Variants in C13orf42 observed in about 807,000 individuals in gnomAD.
C13orf42 encodes the protein uncharacterized protein C13orf42.
At chr13:51,172,335 C>G (rs536916441) in exon 1 of C13orf42, 170 of 152,170 alleles carry the variant, frequency 1.1e-3, no homozygotes, top group African/African-American at 4.0e-3. Context: ...GGCTTAGCGG[C>G]TGAAGACTGA....
intron 1 of C13orf42, among the ~76,000 whole-genome samples, chr13:51,101,826 G>A (rs1953296030): frequency 6.6e-6 from 1 of 152,214 alleles, no homozygotes; most frequent in Non-Finnish European, 1.5e-5. Context: ...TTGTGGATGT[G>A]AGAAAAGGCT....
At position 51,082,535 on chromosome 13, in the gene C13orf42, C is replaced by T. The variant is rs1045335665; in HGVS notation, c.*1616G>A. 3 of 152,118 alleles carry T rather than the reference C, an allele frequency of 2.0e-5. No individual in the cohort carries two copies. Among genetic ancestry groups the T allele is most frequent in the Non-Finnish European group, 2.9e-5 (2 of 68,028 alleles). 9.4% of individuals were successfully genotyped at this position (152,118 alleles called of 1,614,324 possible). ...TTTGATAAGAGGCAGAGTAAAGACA[C>T]CTTTATCCTGAGTTTATCCCCAACA... On this transcript the variant is annotated 3_prime_UTR_variant, in exon 4 of 4. Coordinates refer to ENST00000563710, the MANE Select transcript of C13orf42 (RefSeq NM_001351589.3).
intron 1 of C13orf42, among the ~76,000 whole-genome samples, chr13:51,135,484 A>ATTT (rs1190123168): frequency 2.6e-5 from 4 of 151,132 alleles, no homozygotes; most frequent in Admixed American, 2.6e-4. Context: ...GATCCCATCT[A>ATTT]TTTTTTTTAA....
intron 1 of C13orf42, among the ~76,000 whole-genome samples, chr13:51,165,846 G>A (rs979802138): frequency 2.0e-5 from 3 of 152,184 alleles, no homozygotes; most frequent in Admixed American, 6.5e-5. Context: ...TGGAAAATGA[G>A]ATATAAAACT....
intron 1 of C13orf42, among the ~76,000 whole-genome samples, chr13:51,168,334 C>G (rs1482619242): frequency 6.6e-6 from 1 of 152,226 alleles, no homozygotes; most frequent in Non-Finnish European, 1.5e-5. Flanking sequence ...AGATTGCTAG[C>G]TATCTCCTAG....
chr13:51,148,468 G>A (rs1953755158), intron 1 of C13orf42, among the ~76,000 whole-genome samples: 1 of 152,246 alleles, frequency 6.6e-6, no homozygotes, highest in Non-Finnish European at 1.5e-5. Flanking sequence ...GGTGGTGGCA[G>A]GAAGCCCCAC....
At chr13:51,106,187 C>T (rs992420197) in intron 1 of C13orf42, among the ~76,000 whole-genome samples, 11 of 152,272 alleles carry the variant, frequency 7.2e-5, no homozygotes, top group Admixed American at 2.6e-4. Flanking sequence ...ATTCCATCCA[C>T]GGATTGTGGA....
chr13:51,121,819 G>A (rs1474848744), intron 1 of C13orf42, among the ~76,000 whole-genome samples: 1 of 152,132 alleles, frequency 6.6e-6, no homozygotes, highest in Non-Finnish European at 1.5e-5. Context: ...ACGGGCGTGA[G>A]CCACCGCAAC....
chr13:51,165,745 ATGGAATGTTT>A (rs1460716784), intron 1 of C13orf42, among the ~76,000 whole-genome samples: 1 of 152,214 alleles, frequency 6.6e-6, no homozygotes, highest in Non-Finnish European at 1.5e-5. Context: ...TGGGATGCTG[ATGGAATGTTT>A]CCACATACAG....
At chr13:51,159,978 G>C (rs1953852079) in intron 1 of C13orf42, among the ~76,000 whole-genome samples, 1 of 152,206 alleles carries the variant, frequency 6.6e-6, no homozygotes, top group South Asian at 2.1e-4. Flanking sequence ...AGGAGCAAAA[G>C]CAGAAACCCC....
chr13:51,111,185 A>T lies in C13orf42; in HGVS notation c.25T>A (p.Phe9Ile). Residue 9 changes from phenylalanine to isoleucine, a missense_variant, in exon 1 of 4, where the codon TTT becomes ATT. By Grantham distance (21) the Phe-to-Ile change is conservative. Coordinates refer to ENST00000563710, the MANE Select transcript of C13orf42 (RefSeq NM_001351589.3). ...GTCTTTCTCTGTGGGCTGGAGTTAA[A>T]GATGGAGTGGATCTTTCTGAACATA... is the stretch of plus-strand genomic sequence containing the variant. MFRKIHSI[F>I]NSSPQRKTAA... The T allele has an allele frequency of 2.5e-6, 1 of 398,630 alleles. No homozygotes were observed. The highest frequency in any genetic ancestry group is 4.4e-6 in the Non-Finnish European group (1 of 226,084). The allele number at this position is 398,630 out of a possible 1,614,324, so 24.7% of individuals were successfully genotyped here. A position where few individuals can be genotyped will look rare whatever the true frequency, so the allele number is the denominator to read the frequency against.
intron 1 of C13orf42, among the ~76,000 whole-genome samples, chr13:51,116,688 A>G (rs1315386918): frequency 1.3e-5 from 2 of 152,262 alleles, no homozygotes; most frequent in Non-Finnish European, 2.9e-5. Context: ...TTGTTTATCT[A>G]TTACTATGTA....
intron 1 of C13orf42, among the ~76,000 whole-genome samples, chr13:51,158,706 G>A (rs961214373): frequency 5.9e-5 from 9 of 152,188 alleles, no homozygotes; most frequent in Non-Finnish European, 1.0e-4. Context: ...GGATCTGAAC[G>A]ACTCGCAGTA....
At chr13:51,130,691 G>T (rs1953609314) in intron 1 of C13orf42, among the ~76,000 whole-genome samples, 1 of 152,000 alleles carries the variant, frequency 6.6e-6, no homozygotes, top group African/African-American at 2.4e-5. Flanking sequence ...CTTCTGACTG[G>T]GTCCTAGGCT....
At chr13:51,116,410 G>A (rs538155106) in intron 1 of C13orf42, among the ~76,000 whole-genome samples, 19 of 152,292 alleles carry the variant, frequency 1.2e-4, no homozygotes, top group African/African-American at 4.1e-4. Flanking sequence ...ATTCTACAAG[G>A]TGCCTGTTAT....
chr13:51,146,635 C>T (rs887806996), intron 1 of C13orf42, among the ~76,000 whole-genome samples: 8 of 152,186 alleles, frequency 5.3e-5, no homozygotes, highest in African/African-American at 1.7e-4. Flanking sequence ...AAGCAAAGGA[C>T]TCACAGTGGG....
chr13:51,169,385 G>A (rs1187113047), intron 1 of C13orf42, among the ~76,000 whole-genome samples: 1 of 152,116 alleles, frequency 6.6e-6, no homozygotes, highest in Non-Finnish European at 1.5e-5. Context: ...GAGTGTAAAA[G>A]TTTGGAAAAT....
intron 1 of C13orf42, among the ~76,000 whole-genome samples, chr13:51,094,955 T>G: frequency 6.6e-6 from 1 of 152,274 alleles, no homozygotes; most frequent in South Asian, 2.1e-4. Flanking sequence ...CTGAGTCTCT[T>G]GAGATCTGAT....
chr13:51,164,913 C>T (rs148131433), intron 1 of C13orf42, among the ~76,000 whole-genome samples: 8 of 152,250 alleles, frequency 5.3e-5, no homozygotes, highest in African/African-American at 9.6e-5. Context: ...GCTTTACATA[C>T]GCTGACTTGG....
Sources: gnomAD v4.1 joint callset for allele counts (sites outside exome capture counted in the v4.1 genomes callset) on GRCh38, gnomAD v4.1.1 for gene constraint, MANE v1.5 for transcripts, NCBI Gene and HGNC (gene_info 2026-07-23, HGNC 2026-07-21) for gene names.